FRMD3: variants seen among roughly 807,000 people sequenced by gnomAD.
FRMD3 encodes FERM domain containing 3.
A neutral mutation model predicts 70.2 loss-of-function variants in FRMD3; 33 were observed. The ratio of observed to expected loss-of-function variants is 0.47; its 90% CI spans 0.36 to 0.63. FRMD3 has a LOEUF of 0.63. Ranked by LOEUF, FRMD3 falls within the 20% of genes least tolerant of loss-of-function variation. The pLI is 0.00. For synonymous variants in FRMD3, 279 were observed against 255.9 expected, an observed-to-expected ratio of 1.09 and a Z score of -0.86; for missense variants, 632 against 711.4, an observed-to-expected ratio of 0.89 and a Z score of 1.27.
chr9:83,299,713 C>T (rs1417386761), intron 10 of FRMD3, among the ~76,000 whole-genome samples: 3 of 152,226 alleles, frequency 2.0e-5, no homozygotes, highest in African/African-American at 4.8e-5. Context: ...CCCGCATCAC[C>T]ACAGGAATGG....
chr9:83,464,864 A>T (rs1828077251), intron 1 of FRMD3, among the ~76,000 whole-genome samples: 1 of 152,044 alleles, frequency 6.6e-6, no homozygotes, highest in Non-Finnish European at 1.5e-5. Flanking sequence ...ACTAAAAAAT[A>T]AAAAAATTAG....
chr9:83,368,457 G>A (rs971117733), intron 3 of FRMD3, among the ~76,000 whole-genome samples: 10 of 151,800 alleles, frequency 6.6e-5, no homozygotes, highest in African/African-American at 1.5e-4. Flanking sequence ...TCAGCCTCCC[G>A]AGTAGCTGGG....
intron 1 of FRMD3, among the ~76,000 whole-genome samples, chr9:83,508,176 C>T (rs1470347412): frequency 3.3e-5 from 5 of 152,080 alleles, no homozygotes; most frequent in Admixed American, 3.3e-4. Flanking sequence ...ATATACTGCC[C>T]AATGCTTTTT....
intron 3 of FRMD3, among the ~76,000 whole-genome samples, chr9:83,361,725 G>A (rs1824591213): frequency 6.6e-6 from 1 of 152,156 alleles, no homozygotes; most frequent in Non-Finnish European, 1.5e-5. Flanking sequence ...TTAGGTTAGG[G>A]TGGTCCCTAA....
intron 1 of FRMD3, among the ~76,000 whole-genome samples, chr9:83,499,256 A>G (rs886546477): frequency 2.6e-5 from 4 of 152,158 alleles, no homozygotes; most frequent in Non-Finnish European, 4.4e-5. Context: ...CTGCAATCTC[A>G]CCACACTGAC....
chr9:83,425,015 A>G (rs1826763256), intron 1 of FRMD3, among the ~76,000 whole-genome samples: 1 of 152,218 alleles, frequency 6.6e-6, no homozygotes, highest in South Asian at 2.1e-4. Flanking sequence ...TGTAAGCAGA[A>G]TAACTATTGC....
At chr9:83,276,684 A>G (rs2118864885) in intron 13 of FRMD3, 1 of 152,348 alleles carries the variant, frequency 6.6e-6, no homozygotes, top group East Asian at 1.9e-4. Context: ...GCCAACCACC[A>G]TAGGTTTTGT....
At chr9:83,412,991 CA>C (rs898042884) in intron 1 of FRMD3, among the ~76,000 whole-genome samples, 1 of 145,190 alleles carries the variant, frequency 6.9e-6, no homozygotes, top group African/African-American at 2.5e-5. Flanking sequence ...GAGACTCTGT[CA>C]AAAAAAATAA....
chr9:83,280,266 T>G (rs1420984332), intron 13 of FRMD3, among the ~76,000 whole-genome samples: 2 of 152,244 alleles, frequency 1.3e-5, no homozygotes, highest in African/African-American at 2.4e-5. Flanking sequence ...CCTCTCATTC[T>G]CTGTCCAATG....
chr9:83,511,721 C>T (rs1414621402), intron 1 of FRMD3, among the ~76,000 whole-genome samples: 1 of 152,168 alleles, frequency 6.6e-6, no homozygotes, highest in Non-Finnish European at 1.5e-5. Context: ...TGCAGGGAAG[C>T]ACGTCTGCCA....
rs866420579 is a variant in FRMD3, at chr9:83,273,656, C to A, written c.1195+16947G>T. On this transcript the variant is annotated intron_variant, in intron 13 of 13. Coordinates refer to ENST00000304195, the MANE Select transcript of FRMD3 (RefSeq NM_174938.6). ...GGGGAAAAAAAAAAAAGTTACTGCT[C>A]CTGTTACAAAGAATGCATACAGTTC... Among the ~76,000 whole-genome samples the A allele has an allele frequency of 3.0e-4, 39 of 131,752 alleles. No individual in the cohort carries two copies. The Middle Eastern group carries it at 0.012, about 39-fold the overall frequency. 86.4% of individuals were successfully genotyped at this position (131,752 alleles called of 152,430 possible). A position where few individuals can be genotyped will look rare whatever the true frequency, so the allele number is the denominator to read the frequency against.
chr9:83,416,346 A>G (rs1187207747), intron 1 of FRMD3, among the ~76,000 whole-genome samples: 2 of 152,236 alleles, frequency 1.3e-5, no homozygotes, highest in Non-Finnish European at 2.9e-5. Context: ...GGGACACTGA[A>G]TACTCACTTG....
chr9:83,498,891 T>C (rs185456404), intron 1 of FRMD3, among the ~76,000 whole-genome samples: 11 of 152,208 alleles, frequency 7.2e-5, no homozygotes, highest in Admixed American at 2.0e-4. Context: ...TTGAGAGAAA[T>C]ATCTACTAGA....
intron 1 of FRMD3, among the ~76,000 whole-genome samples, chr9:83,420,934 C>CT (rs1826616664): frequency 8.1e-6 from 1 of 123,292 alleles, no homozygotes; most frequent in Admixed American, 8.3e-5. Flanking sequence ...TTTTTTCTTT[C>CT]TTCTTTTTTT....
chr9:83,478,489 C>G (rs1024405290), intron 1 of FRMD3, among the ~76,000 whole-genome samples: 4 of 152,088 alleles, frequency 2.6e-5, no homozygotes, highest in African/African-American at 9.7e-5. Flanking sequence ...ATTATGAAAA[C>G]AACAACAGCC....
intron 1 of FRMD3, among the ~76,000 whole-genome samples, chr9:83,427,788 C>T (rs1011999114): frequency 2.6e-5 from 4 of 151,822 alleles, no homozygotes; most frequent in Non-Finnish European, 4.4e-5. Flanking sequence ...ACTTAAAAGG[C>T]CAGCAAGCAT....
chr9:83,255,753 C>T (rs966124020), intron 13 of FRMD3, among the ~76,000 whole-genome samples: 1 of 151,972 alleles, frequency 6.6e-6, no homozygotes, highest in African/African-American at 2.4e-5. Context: ...AGAACCAAAT[C>T]GTGAATAACC....
At chr9:83,429,388 C>A (rs72745068) in intron 1 of FRMD3, among the ~76,000 whole-genome samples, 4,313 of 152,242 alleles carry the variant, frequency 0.028, 79 homozygotes, top group Non-Finnish European at 0.039. Context: ...AATCCATCTC[C>A]AGCTTTCATC....
chr9:83,426,815 C>T (rs1387795856), intron 1 of FRMD3, among the ~76,000 whole-genome samples: 1 of 152,114 alleles, frequency 6.6e-6, no homozygotes, highest in African/African-American at 2.4e-5. Flanking sequence ...AGTTACAGGC[C>T]TGAGACACAT....
Sources: allele counts gnomAD v4.1 joint callset (sites outside exome capture counted in the v4.1 genomes callset), GRCh38; gene constraint gnomAD v4.1.1; transcripts MANE v1.5; gene names NCBI Gene and HGNC (gene_info 2026-07-23, HGNC 2026-07-21).